The following VPS13B variants were observed in gnomAD, a reference collection of about 807,000 sequenced individuals.
VPS13B encodes the protein intermembrane lipid transfer protein VPS13B.
Under a neutral mutation model 426.4 loss-of-function variants are expected in VPS13B, and 285 were observed. The observed-to-expected ratio is 0.67, with a 90% confidence interval of 0.61 to 0.74. VPS13B has a LOEUF of 0.74. Ranked by LOEUF, VPS13B falls within the 30% of genes least tolerant of loss-of-function variation. The pLI is 0.00. For missense variants in VPS13B, 4,537 were observed against 4,782.6 expected (o/e 0.95, Z 1.51); for synonymous variants, 1,676 against 1,676.4 (o/e 1.00, Z 0.01).
intron 21 of VPS13B, among the ~76,000 whole-genome samples, chr8:99,430,356 T>C (rs1817022642): frequency 6.6e-6 from 1 of 152,180 alleles, no homozygotes; most frequent in South Asian, 2.1e-4. Context: ...TCCTAGGTTC[T>C]TCAAACTTAA....
At chr8:99,553,313 C>T (rs1246705434) in intron 30 of VPS13B, among the ~76,000 whole-genome samples, 1 of 151,936 alleles carries the variant, frequency 6.6e-6, no homozygotes, top group African/African-American at 2.4e-5. Flanking sequence ...GTTATGAGAG[C>T]CAGGAGGTTC....
At chr8:99,689,692 TATAA>T (rs1373630321) in intron 35 of VPS13B, among the ~76,000 whole-genome samples, 1 of 152,158 alleles carries the variant, frequency 6.6e-6, no homozygotes, top group Non-Finnish European at 1.5e-5. Flanking sequence ...CAGCCAGAGT[TATAA>T]ATAGTTTTTT....
intron 43 of VPS13B, among the ~76,000 whole-genome samples, chr8:99,805,028 G>A (rs1425619967): frequency 6.7e-6 from 1 of 150,352 alleles, no homozygotes; most frequent in East Asian, 1.9e-4. Flanking sequence ...TGGTGCCTAA[G>A]TTTTGATATA....
chr8:99,652,634 A>G (rs1355678841), intron 34 of VPS13B, among the ~76,000 whole-genome samples: 2 of 152,108 alleles, frequency 1.3e-5, no homozygotes, highest in African/African-American at 4.8e-5. Flanking sequence ...AAATCATAAA[A>G]TGGCTTCTTA....
At chr8:99,869,630 C>G (rs960465307) in intron 59 of VPS13B, among the ~76,000 whole-genome samples, 11 of 152,178 alleles carry the variant, frequency 7.2e-5, no homozygotes, top group African/African-American at 2.7e-4. Flanking sequence ...ATGATAGGGA[C>G]TCCAGTGAGG....
At chr8:99,400,947 C>T (rs1422943392) in intron 21 of VPS13B, among the ~76,000 whole-genome samples, 1 of 152,232 alleles carries the variant, frequency 6.6e-6, no homozygotes, top group East Asian at 1.9e-4. Flanking sequence ...GCTTGTATTA[C>T]AGGCGTTAGC....
At chr8:99,862,652 C>T (rs184010148) in intron 58 of VPS13B, among the ~76,000 whole-genome samples, 358 of 152,236 alleles carry the variant, frequency 2.4e-3, no homozygotes, top group African/African-American at 6.9e-3. Flanking sequence ...ATGTGCCTTC[C>T]GCGCATCTGA....
At chr8:99,812,362 G>A (rs1195038134) in intron 44 of VPS13B, among the ~76,000 whole-genome samples, 4 of 152,154 alleles carry the variant, frequency 2.6e-5, no homozygotes, top group African/African-American at 7.2e-5. Context: ...GAGCTTTGTG[G>A]ATTCTTGTCT....
intron 36 of VPS13B, among the ~76,000 whole-genome samples, chr8:99,715,669 C>G (rs2187191): frequency 0.02 from 3,017 of 152,170 alleles, 107 homozygotes; most frequent in African/African-American, 0.069. Context: ...AGATATGTCA[C>G]TGTGGGGTTG....
At chr8:99,625,127 G>T (rs568759012) in intron 33 of VPS13B, among the ~76,000 whole-genome samples, 3 of 152,254 alleles carry the variant, frequency 2.0e-5, no homozygotes, top group Non-Finnish European at 4.4e-5. Context: ...AACAGAAAAG[G>T]CTGGGAGGAA....
intron 17 of VPS13B, among the ~76,000 whole-genome samples, chr8:99,265,680 A>C (rs1818256784): frequency 1.3e-5 from 2 of 152,088 alleles, no homozygotes; most frequent in Admixed American, 1.3e-4. Context: ...CACTAGATAA[A>C]ATTTTAGTCA....
intron 39 of VPS13B, among the ~76,000 whole-genome samples, chr8:99,746,093 G>C (rs1810072240): frequency 6.6e-6 from 1 of 151,970 alleles, no homozygotes; most frequent in African/African-American, 2.4e-5. Context: ...TATTTGGCCT[G>C]TAAATTTTCC....
intron 19 of VPS13B, among the ~76,000 whole-genome samples, chr8:99,304,979 A>G (rs114264471): frequency 0.016 from 2,497 of 152,212 alleles, 68 homozygotes; most frequent in African/African-American, 0.057. Flanking sequence ...CATCATGTGG[A>G]ACGATTTGCA....
intron 19 of VPS13B, among the ~76,000 whole-genome samples, chr8:99,380,046 T>A (rs569974564): frequency 2.6e-5 from 4 of 152,280 alleles, no homozygotes; most frequent in Non-Finnish European, 4.4e-5. Flanking sequence ...GAAAATTCTC[T>A]TTCTTACATA....
chr8:99,367,748 G>T (rs145573791), intron 19 of VPS13B, among the ~76,000 whole-genome samples: 4 of 152,234 alleles, frequency 2.6e-5, no homozygotes, highest in African/African-American at 9.6e-5. Flanking sequence ...CAACCTCCTG[G>T]GTTCAAGCTG....
intron 55 of VPS13B, among the ~76,000 whole-genome samples, chr8:99,851,889 G>T (rs1816312251): frequency 6.6e-6 from 1 of 152,012 alleles, no homozygotes; most frequent in African/African-American, 2.4e-5. Context: ...AAGATCATTG[G>T]CCGCTTTGTT....
rs763456297 is a variant in VPS13B at position 99,481,687 on chromosome 8, C to T, written c.3755C>T (p.Ser1252Phe). The change falls in exon 25 of 62, where the codon TCT becomes TTT. Residue 1252 changes from serine to phenylalanine, a missense_variant. Physicochemically the swap from Ser to Phe is radical, Grantham distance 155. Around this residue, in one of 2 missense-constraint regions of VPS13B, gnomAD observed 4,311 missense variants for 4,474.3 expected, o/e 0.96. Transcript: ENST00000357162. ...GGCAATCTCAACCTATCTCCAACCT[C>T]TCCAGAGACCATGGCAGGGCCTGTT... ...KRGNLNLSPT[S>F]PETMAGPVPT... The T allele has an allele frequency of 1.5e-5, 25 of 1,613,908 alleles. No homozygotes were observed. The East Asian group carries it at 4.7e-4, about 30-fold the overall frequency.
At chr8:99,390,634 C>T (rs1422263927) in intron 20 of VPS13B, among the ~76,000 whole-genome samples, 1 of 152,140 alleles carries the variant, frequency 6.6e-6, no homozygotes, top group African/African-American at 2.4e-5. Context: ...TTAGACTACA[C>T]TGCAGCCTGA....
At chr8:99,728,380 A>T (rs540240497) in intron 39 of VPS13B, among the ~76,000 whole-genome samples, 1 of 152,332 alleles carries the variant, frequency 6.6e-6, no homozygotes, top group Non-Finnish European at 1.5e-5. Context: ...CTTAAGAGTT[A>T]TGAGGAGTGG....
Sources: gnomAD v4.1 joint callset for allele counts (sites outside exome capture counted in the v4.1 genomes callset) on GRCh38, gnomAD v4.1.1 for gene constraint, gnomAD v4.1.1 regional missense constraint, MANE v1.5 for transcripts, NCBI Gene and HGNC (gene_info 2026-07-23, HGNC 2026-07-21) for gene names.